ADGRE5: variants seen among roughly 807,000 people sequenced by gnomAD.
The protein encoded by ADGRE5 is CD97 molecule.
Under a neutral mutation model 100.3 loss-of-function variants are expected in ADGRE5, and 72 were observed. The observed-to-expected ratio is 0.72, with a 90% CI of 0.59 to 0.87. The LOEUF (loss-of-function observed/expected upper bound fraction) is 0.87. Ranked by LOEUF, ADGRE5 falls within the 40% of genes least tolerant of loss-of-function variation. The pLI, the probability that ADGRE5 is intolerant of heterozygous loss-of-function variation, is 0.00. For synonymous variants in ADGRE5, 439 were observed against 447.8 expected, an observed-to-expected ratio of 0.98 and a Z score of 0.25; for missense variants, 959 against 1,094.7, an observed-to-expected ratio of 0.88 and a Z score of 1.75.
rs2146339364 is a variant in ADGRE5 at position 14,381,528 on chromosome 19, G to A, written c.5G>A (p.Gly2Glu). The change falls in exon 1 of 20, where the codon GGA becomes GAA. Residue 2 changes from glycine to glutamate, a missense_variant. Gly to Glu is a moderately conservative substitution (Grantham distance 98). This residue lies in a region of ADGRE5 where 114 missense variants were observed against 195.7 expected (regional missense o/e 0.58). Transcript: ENST00000242786. Reference sequence around the variant, plus strand: ...CTCCTGCCGGCAGCTCCAACCATGGGAGGCCGCGTCTTTCTCGGTAAGTAC... The same window carrying A: ...CTCCTGCCGGCAGCTCCAACCATGGAAGGCCGCGTCTTTCTCGGTAAGTAC... The part of the protein sequence containing the change: M[G>E]GRVFLAFCVW... 1 of 1,609,706 alleles carries A rather than the reference G, an allele frequency of 6.2e-7. No individual in the cohort carries two copies. Among genetic ancestry groups the A allele is most frequent in the Non-Finnish European group, 8.5e-7 (1 of 1,178,358 alleles).
intron 4 of ADGRE5, among the ~76,000 whole-genome samples, chr19:14,392,720 T>G (rs930506984): frequency 6.7e-6 from 1 of 149,116 alleles, no homozygotes; most frequent in Non-Finnish European, 1.5e-5. Context: ...CTGGCCAACA[T>G]GGCGAAACCC....
Position 14,408,080 on chromosome 19 carries a change from T to G in ADGRE5, c.2479-12T>G, listed in dbSNP as rs762697395. ...GCTAGCGGGGCTCAGGCCTCTGGGCTCTCCTCTCCAGGCCCTCAGGGCATC... is the reference window on the plus strand; with the variant it reads ...GCTAGCGGGGCTCAGGCCTCTGGGCGCTCCTCTCCAGGCCCTCAGGGCATC... On this transcript the variant is annotated splice_polypyrimidine_tract_variant and intron_variant, in intron 19 of 19. Transcript: ENST00000242786. 1 of 1,613,814 alleles carries G rather than the reference T, an allele frequency of 6.2e-7. No homozygotes were observed. Among genetic ancestry groups the G allele is most frequent in the South Asian group, 1.1e-5 (1 of 91,070 alleles).
Position 14,401,454 on chromosome 19 carries a change from C to T in ADGRE5, c.966C>T (p.Val322=), listed in dbSNP as rs752841394. The change falls in exon 10 of 20, where the codon GTC becomes GTT. Residue 322 remains valine (V), a synonymous_variant. Coordinates refer to ENST00000242786, the MANE Select transcript of ADGRE5 (RefSeq NM_078481.4). This position sits in a 1 kb window ranked among gnomAD's most constrained non-coding sequence, Gnocchi z 4.1. ...PGDVEALAPP[V]RHLIATQLLS... is the part of the protein sequence containing the mutation. ...ACGTAGAGGCCCTGGCGCCACCTGT[C>T]CGGCACCTCATAGCCACCCAGCTGC... 1.2e-6 allele frequency: 2 copies of T among 1,614,130 alleles called. No homozygotes were observed. The highest frequency in any genetic ancestry group is 1.7e-6 in the Non-Finnish European group (2 of 1,180,010).
In ADGRE5 at chr19:14,402,808, C is replaced by T. The variant is rs1976068788; in HGVS notation, c.1395C>T (p.Ala465=). 10 of 1,614,102 alleles carry T rather than the reference C, an allele frequency of 6.2e-6. No individual in the cohort carries two copies. The highest frequency in any genetic ancestry group is 8.5e-6 in the Non-Finnish European group (10 of 1,180,034). ...AACTCAACTCCCCCATCCTTTTCGCCTTCTCCCACCTTGAGTCCTCCGATG... is the reference window on the plus strand; with the variant it reads ...AACTCAACTCCCCCATCCTTTTCGCTTTCTCCCACCTTGAGTCCTCCGATG... The part of the protein sequence containing the change: ...TKELNSPILF[A]FSHLESSDGE... The change falls in exon 12 of 20, where the codon GCC becomes GCT. Residue 465 remains alanine (A), a synonymous_variant. Transcript: ENST00000242786.
chr19:14,392,528 T>C (rs1312736205), intron 4 of ADGRE5, among the ~76,000 whole-genome samples: 2 of 152,160 alleles, frequency 1.3e-5, no homozygotes, highest in Non-Finnish European at 2.9e-5. Flanking sequence ...ATATAGACCT[T>C]GGACAGGTTA....
In ADGRE5 at chr19:14,407,998, A is replaced by T. The variant is rs746266840; in HGVS notation, c.2467A>T (p.Asn823Tyr). 1.2e-6 allele frequency: 2 copies of T among 1,614,186 alleles called. No individual in the cohort carries two copies. Among genetic ancestry groups the T allele is most frequent in the Non-Finnish European group, 1.7e-6 (2 of 1,180,028 alleles). ...FTSTTSGTGH[N>Y]QTRALRASES... ...CTCCACCACGTCTGGCACTGGCCACAATCAGACCCGGGTAAGGGGCTGCGC... is the reference window on the plus strand; with the variant it reads ...CTCCACCACGTCTGGCACTGGCCACTATCAGACCCGGGTAAGGGGCTGCGC... Residue 823 changes from asparagine (N) to tyrosine (Y), a missense_variant, in exon 19 of 20, where the codon AAT (asparagine) becomes TAT (tyrosine). Asn to Tyr is a moderately radical substitution (Grantham distance 143). Coordinates refer to ENST00000242786, the MANE Select transcript of ADGRE5 (RefSeq NM_078481.4).
chr19:14,403,708 G>T (rs1379407312), intron 12 of ADGRE5, among the ~76,000 whole-genome samples: 3 of 151,898 alleles, frequency 2.0e-5, no homozygotes, highest in Non-Finnish European at 4.4e-5. Flanking sequence ...TGCCACAGCT[G>T]GTCTCAAACT....
intron 9 of ADGRE5, 63 bp downstream of exon 9, chr19:14,398,202 T>G: frequency 2.6e-6 from 4 of 1,540,004 alleles, no homozygotes. Flanking sequence ...GGCTTCCATG[T>G]GGCCAGAGAG....
rs1421189654 is a variant in ADGRE5, at chr19:14,391,091, C to T, written c.346+12C>T. ...GAACACCTGTCAAGGTAAGAACCAC[C>T]CCACGTCCTCTGACTTTCCATCCAT... is the stretch of plus-strand genomic sequence containing the variant. On this transcript the variant is annotated intron_variant, in intron 4 of 19. Coordinates refer to ENST00000242786, the MANE Select transcript of ADGRE5 (RefSeq NM_078481.4). 1.2e-6 allele frequency: 2 copies of T among 1,613,996 alleles called. No homozygotes were observed. Among genetic ancestry groups the T allele is most frequent in the Admixed American group, 1.7e-5 (1 of 59,990 alleles).
intron 1 of ADGRE5, among the ~76,000 whole-genome samples, chr19:14,387,132 G>A (rs1302556875): frequency 6.6e-6 from 1 of 152,160 alleles, no homozygotes; most frequent in African/African-American, 2.4e-5. Flanking sequence ...ACACTGGGGA[G>A]TGGGCGCCAT....
At chr19:14,386,502 G>T (rs1467506363) in intron 1 of ADGRE5, 1 of 149,556 alleles carries the variant, frequency 6.7e-6, no homozygotes, top group Non-Finnish European at 1.5e-5. Flanking sequence ...TACCATCCTG[G>T]CTAACATGGT....
chr19:14,394,687 C>G (rs1599620523), intron 4 of ADGRE5, among the ~76,000 whole-genome samples: 1 of 152,128 alleles, frequency 6.6e-6, no homozygotes, highest in South Asian at 2.1e-4. Flanking sequence ...ATGAGACTTG[C>G]TGCCACCGGG....
chr19:14,389,028 G>A (rs1975463826), intron 3 of ADGRE5, among the ~76,000 whole-genome samples: 2 of 149,032 alleles, frequency 1.3e-5, no homozygotes. Flanking sequence ...TTTGAGGCCA[G>A]GAGTACTCAG....
At position 14,404,388 on chromosome 19, in the gene ADGRE5, G is replaced by A; in HGVS notation, c.1455G>A (p.Val485=). 6.2e-7 allele frequency: 1 copy of A among 1,608,730 alleles called. No individual in the cohort carries two copies. Among genetic ancestry groups the A allele is most frequent in the Non-Finnish European group, 8.5e-7 (1 of 1,178,492 alleles). Residue 485 remains valine, a synonymous_variant, in exon 13 of 20, where the codon GTG becomes GTA. Coordinates refer to ENST00000242786, the MANE Select transcript of ADGRE5 (RefSeq NM_078481.4). ...EAGRDPPAKD[V]MPGPRQELLC... is the part of the protein sequence containing the mutation. ...CCACCCCCATCTGCCCACAGGACGT[G>A]ATGCCTGGGCCACGGCAGGAGCTGC...
Position 14,408,427 on chromosome 19 carries a change from T to C in ADGRE5, c.*306T>C. The stretch of plus-strand genomic sequence containing the variant: ...TTGCCCTGGCACCTGTGGCCAGTAC[T>C]CGGGACAGACTAAGGGCGCTTGTCC... On this transcript the variant is annotated 3_prime_UTR_variant, in exon 20 of 20. Coordinates refer to ENST00000242786, the MANE Select transcript of ADGRE5 (RefSeq NM_078481.4). The C allele has an allele frequency of 1.7e-6, 1 of 585,708 alleles. No homozygotes were observed. The highest frequency in any genetic ancestry group is 3.1e-6 in the Non-Finnish European group (1 of 327,176). 36.3% of individuals were successfully genotyped at this position (585,708 alleles called of 1,614,324 possible). A position where few individuals can be genotyped will look rare whatever the true frequency, so the allele number is the denominator to read the frequency against.
At chr19:14,385,084 C>G (rs1975297790) in intron 1 of ADGRE5, among the ~76,000 whole-genome samples, 1 of 136,654 alleles carries the variant, frequency 7.3e-6, no homozygotes, top group South Asian at 2.4e-4. Flanking sequence ...GATCTCAGCT[C>G]ACTGCAACCT....
intron 9 of ADGRE5, 89 bp downstream of exon 9, chr19:14,398,228 C>G: frequency 1.7e-6 from 2 of 1,180,726 alleles, no homozygotes; most frequent in Non-Finnish European, 2.5e-6. Context: ...CCAACCCAAG[C>G]AGGGGCCTCT....
rs767721301 is a variant in ADGRE5 at position 14,396,403 on chromosome 19, C to T, written c.408C>T (p.Thr136=). 8.1e-6 allele frequency: 13 copies of T among 1,614,306 alleles called. No individual in the cohort carries two copies. The South Asian group carries it at 1.3e-4, about 16-fold the overall frequency. The change falls in exon 5 of 20, where the codon ACC becomes ACT. Residue 136 remains threonine (T), a synonymous_variant. Coordinates refer to ENST00000242786, the MANE Select transcript of ADGRE5 (RefSeq NM_078481.4). ...AAAGCTACGGCACCTGCGTCAACAC[C>T]CTTGGCAGCTATACCTGCCAGTGCC... ...LCKSYGTCVN[T]LGSYTCQCLP... is the part of the protein sequence containing the mutation.
intron 3 of ADGRE5, among the ~76,000 whole-genome samples, chr19:14,389,348 A>AAGGGGGAAGGGGGAAGGGGGG (rs1975506811): frequency 4.3e-5 from 1 of 23,084 alleles, no homozygotes; most frequent in African/African-American, 2.1e-4. Context: ...AGGGGAGGGG[A>AAGGGGGAAGGGGGAAGGGGGG]AGGGGAGGGG....
Sources: gnomAD v4.1 joint callset for allele counts (sites outside exome capture counted in the v4.1 genomes callset) on GRCh38, gnomAD v4.1.1 for gene constraint, gnomAD v4.1.1 regional missense constraint, Gnocchi (gnomAD v3.1) non-coding constraint, MANE v1.5 for transcripts, NCBI Gene and HGNC (gene_info 2026-07-23, HGNC 2026-07-21) for gene names.